The following SPAG17 variants were observed in gnomAD, a reference collection of about 807,000 sequenced individuals.
SPAG17 encodes the protein sperm associated antigen 17, also known as sperm-associated antigen 17.
A neutral mutation model predicts 273.6 loss-of-function variants in SPAG17; 169 were observed. The observed-to-expected ratio is 0.62, with a 90% CI of 0.55 to 0.70. The LOEUF (loss-of-function observed/expected upper bound fraction) is 0.70. Among genes scored for constraint, SPAG17 ranks in the 30% least tolerant of loss-of-function variants. The pLI is 0.00. For missense variants in SPAG17, 2,557 were observed against 2,627.8 expected (o/e 0.97, Z 0.59); for synonymous variants, 825 against 873.2 (o/e 0.94, Z 0.97).
At chr1:117,998,465 G>C (rs1212194656) in intron 32 of SPAG17, among the ~76,000 whole-genome samples, 1 of 152,090 alleles carries the variant, frequency 6.6e-6, no homozygotes, top group Non-Finnish European at 1.5e-5. Context: ...CAGCCCTGTA[G>C]TACAGCTGAA....
intron 3 of SPAG17, among the ~76,000 whole-genome samples, chr1:118,140,268 TTTC>T (rs1658600195): frequency 6.6e-6 from 1 of 152,222 alleles, no homozygotes; most frequent in African/African-American, 2.4e-5. Context: ...AAATACATTT[TTTC>T]TTTTTTTAAA....
intron 5 of SPAG17, among the ~76,000 whole-genome samples, 160 bp downstream of exon 5, chr1:118,101,580 G>A (rs887789597): frequency 6.6e-6 from 1 of 152,188 alleles, no homozygotes; most frequent in Admixed American, 6.5e-5. Context: ...CACAGTTCAT[G>A]AGGCAGGAAA....
At chr1:118,065,593 A>G (rs1157176320) in intron 18 of SPAG17, among the ~76,000 whole-genome samples, 1 of 152,148 alleles carries the variant, frequency 6.6e-6, no homozygotes, top group Non-Finnish European at 1.5e-5. Context: ...GGCAATTATA[A>G]AGAAGATAAC....
intron 1 of SPAG17, among the ~76,000 whole-genome samples, chr1:118,178,181 T>G (rs1660783601): frequency 6.6e-6 from 1 of 152,020 alleles, no homozygotes; most frequent in Non-Finnish European, 1.5e-5. Context: ...AAAACCGCAA[T>G]TACTTTTGCA....
chr1:118,041,042 T>C (rs113159233), intron 21 of SPAG17, among the ~76,000 whole-genome samples: 51 of 152,296 alleles, frequency 3.3e-4, no homozygotes, highest in African/African-American at 1.2e-3. Flanking sequence ...AGATCTATTA[T>C]GTTAAACTCT....
intron 1 of SPAG17, among the ~76,000 whole-genome samples, chr1:118,167,387 T>C (rs760118830): frequency 6.6e-6 from 1 of 152,156 alleles, no homozygotes; most frequent in African/African-American, 2.4e-5. Context: ...TTTTGTACAA[T>C]ATCAGAACAT....
At chr1:118,154,694 C>T (rs1276267933) in intron 1 of SPAG17, among the ~76,000 whole-genome samples, 1 of 151,874 alleles carries the variant, frequency 6.6e-6, no homozygotes, top group Non-Finnish European at 1.5e-5. Context: ...TCCCAACATG[C>T]AGCTAAATGA....
intron 20 of SPAG17, among the ~76,000 whole-genome samples, chr1:118,047,859 A>T (rs1173091063): frequency 6.6e-6 from 1 of 151,864 alleles, no homozygotes; most frequent in Non-Finnish European, 1.5e-5. Context: ...TGCCAGGCCA[A>T]CCCCTGTGGC....
At chr1:118,067,487 TACTC>T (rs1653102361) in intron 17 of SPAG17, among the ~76,000 whole-genome samples, 1 of 152,124 alleles carries the variant, frequency 6.6e-6, no homozygotes, top group African/African-American at 2.4e-5. Context: ...CACTCCCTCT[TACTC>T]TCTCTGCCAT....
chr1:117,959,167 A>C, intron 48 of SPAG17: 1 of 1,378,852 alleles, frequency 7.3e-7, no homozygotes, highest in East Asian at 2.4e-5. Flanking sequence ...ACAAACAAGA[A>C]AAGTTCTTAA....
intron 30 of SPAG17, among the ~76,000 whole-genome samples, chr1:118,010,461 T>C (rs1659359120): frequency 6.6e-6 from 1 of 152,024 alleles, no homozygotes; most frequent in East Asian, 1.9e-4. Context: ...CAAGCAATGA[T>C]GAAAGGACTC....
At chr1:118,048,327 C>T (rs541671423) in intron 20 of SPAG17, among the ~76,000 whole-genome samples, 1 of 151,948 alleles carries the variant, frequency 6.6e-6, no homozygotes, top group Non-Finnish European at 1.5e-5. Context: ...ACTCTGGTGA[C>T]AGGCTGGCTG....
intron 4 of SPAG17, among the ~76,000 whole-genome samples, chr1:118,106,598 G>A (rs1177923453): frequency 6.6e-6 from 1 of 152,168 alleles, no homozygotes; most frequent in Non-Finnish European, 1.5e-5. Context: ...CCTTGCTACA[G>A]AAAAGTTCCA....
chr1:118,066,692 G>A, intron 18 of SPAG17, 53 bp downstream of exon 18: 1 of 1,496,834 alleles, frequency 6.7e-7, no homozygotes, highest in Non-Finnish European at 9.1e-7. Flanking sequence ...TAAGTAACTG[G>A]CAAGCTAACT....
At chr1:118,178,806 T>C (rs1366392926) in intron 1 of SPAG17, among the ~76,000 whole-genome samples, 3 of 151,900 alleles carry the variant, frequency 2.0e-5, no homozygotes, top group Non-Finnish European at 2.9e-5. Flanking sequence ...GTAGCACTTA[T>C]ATTCACCAGC....
At chr1:118,154,263 T>C (rs565143401) in intron 1 of SPAG17, among the ~76,000 whole-genome samples, 2 of 152,332 alleles carry the variant, frequency 1.3e-5, no homozygotes, top group East Asian at 3.9e-4. Flanking sequence ...ATTGCATCTA[T>C]GTGGCAAAAC....
At chr1:117,957,086 A>G in intron 48 of SPAG17, 1 of 1,598,780 alleles carries the variant, frequency 6.3e-7, no homozygotes, top group East Asian at 2.3e-5. Flanking sequence ...AAGAATCTCT[A>G]CTTGTGCTGC....
chr1:117,955,441 A>G, intron 48 of SPAG17: 2 of 1,248,474 alleles, frequency 1.6e-6, no homozygotes, highest in South Asian at 2.6e-5. Flanking sequence ...ATAAATAGAA[A>G]TTATAATTGA....
rs557454031 is a variant in SPAG17, at chr1:118,172,366, G to T, written c.87+12705C>A. Reference sequence around the variant, plus strand: ...TTAATGAATACTGGAGTAGTGGGTCGGGCTGGGTTAAGAGGTGCATGGGTT... The same window carrying T: ...TTAATGAATACTGGAGTAGTGGGTCTGGCTGGGTTAAGAGGTGCATGGGTT... On this transcript the variant is annotated intron_variant, in intron 1 of 48. Coordinates refer to ENST00000336338, the MANE Select transcript of SPAG17 (RefSeq NM_206996.4). 9.3e-4 allele frequency among the ~76,000 whole-genome samples: 142 copies of T among 152,154 alleles called. 1 individual carries two copies. The highest frequency in any genetic ancestry group is 3.2e-3 in the African/African-American group (133 of 41,518).
Sources: allele counts gnomAD v4.1 joint callset (sites outside exome capture counted in the v4.1 genomes callset), GRCh38; gene constraint gnomAD v4.1.1; transcripts MANE v1.5; gene names NCBI Gene and HGNC (gene_info 2026-07-23, HGNC 2026-07-21).